The following LIMS1 variants were observed in gnomAD, a reference collection of about 807,000 sequenced individuals.
LIMS1 encodes LIM and senescent cell antigen-like-containing domain protein 1.
Under a neutral mutation model 44.1 loss-of-function variants are expected in LIMS1, and 18 were observed. The observed-to-expected ratio is 0.41, with a 90% CI of 0.28 to 0.61. The LOEUF (loss-of-function observed/expected upper bound fraction) is 0.61, where lower values mean the gene tolerates loss of function less well. Ranked by LOEUF, LIMS1 falls within the 20% of genes least tolerant of loss-of-function variation. The probability of loss-of-function intolerance (pLI) is 0.32; values close to 1 mark genes in which losing one functional copy is unlikely to be tolerated. For synonymous variants in LIMS1, 93 were observed against 149.1 expected, an observed-to-expected ratio of 0.62 and a Z score of 2.74; for missense variants, 201 against 422.0, an observed-to-expected ratio of 0.48 and a Z score of 4.59.
intron 1 of LIMS1, among the ~76,000 whole-genome samples, chr2:108,629,592 T>C (rs577842055): frequency 6.6e-6 from 1 of 152,350 alleles, no homozygotes; most frequent in African/African-American, 2.4e-5. Context: ...TGTTTGACAT[T>C]GCATCCTTTA....
intron 1 of LIMS1, among the ~76,000 whole-genome samples, chr2:108,564,925 A>C (rs1290968411): frequency 6.6e-6 from 1 of 151,934 alleles, no homozygotes; most frequent in Admixed American, 6.6e-5. Context: ...CTGTACCCCA[A>C]GGTTACAGGG....
intron 1 of LIMS1, among the ~76,000 whole-genome samples, chr2:108,551,672 A>G (rs1263981902): frequency 1.4e-5 from 2 of 146,230 alleles, no homozygotes; most frequent in Admixed American, 7.0e-5. Flanking sequence ...ATACACATAT[A>G]TACATATATA....
chr2:108,618,520 A>C (rs764059316), intron 1 of LIMS1, among the ~76,000 whole-genome samples: 1 of 151,070 alleles, frequency 6.6e-6, no homozygotes, highest in Non-Finnish European at 1.5e-5. Context: ...CTCTCTCTCT[A>C]TCTTCAGTGA....
At chr2:108,577,487 T>C (rs1685713357) in intron 1 of LIMS1, among the ~76,000 whole-genome samples, 1 of 152,218 alleles carries the variant, frequency 6.6e-6, no homozygotes, top group Non-Finnish European at 1.5e-5. Flanking sequence ...AGTGATATGG[T>C]AGTCATTGGG....
intron 1 of LIMS1, among the ~76,000 whole-genome samples, chr2:108,630,455 T>A (rs1260212938): frequency 1.3e-5 from 2 of 148,176 alleles, no homozygotes; most frequent in African/African-American, 5.3e-5. Context: ...CACGACTTGA[T>A]GACTGTTGGA....
At chr2:108,564,627 C>T (rs1036404065) in intron 1 of LIMS1, among the ~76,000 whole-genome samples, 1 of 152,216 alleles carries the variant, frequency 6.6e-6, no homozygotes, top group Non-Finnish European at 1.5e-5. Flanking sequence ...CAGTTGTACT[C>T]CCCAGTTGCT....
At chr2:108,540,175 G>A (rs937420275) in intron 1 of LIMS1, among the ~76,000 whole-genome samples, 18 of 148,210 alleles carry the variant, frequency 1.2e-4, no homozygotes, top group African/African-American at 3.7e-4. Flanking sequence ...CATTTAACAG[G>A]TGATAAAGTA....
At chr2:108,651,214 G>A (rs1289975595) in intron 1 of LIMS1, among the ~76,000 whole-genome samples, 1 of 152,154 alleles carries the variant, frequency 6.6e-6, no homozygotes, top group Non-Finnish European at 1.5e-5. Flanking sequence ...TTCAGTGTAA[G>A]TAGCTTGGGT....
intron 1 of LIMS1, among the ~76,000 whole-genome samples, chr2:108,657,360 G>C (rs1332169940): frequency 6.6e-6 from 1 of 152,290 alleles, no homozygotes; most frequent in Non-Finnish European, 1.5e-5. Context: ...CTTTTGAGAG[G>C]GTTTAGAATT....
chr2:108,584,286 C>G (rs188428464), intron 1 of LIMS1, among the ~76,000 whole-genome samples: 2 of 152,266 alleles, frequency 1.3e-5, no homozygotes, highest in Admixed American at 1.3e-4. Context: ...GTTCCCTGTT[C>G]CCACCATGCT....
At position 108,675,903 on chromosome 2, in the gene LIMS1, G is replaced by C. The variant is rs1692522237; in HGVS notation, c.556G>C (p.Glu186Gln). The change falls in exon 6 of 10, where the codon GAG (glutamate) becomes CAG (glutamine). Residue 186 changes from glutamate to glutamine, a missense_variant. Around this residue, in one of 7 missense-constraint regions of LIMS1, gnomAD observed 25 missense variants for 24.0 expected, o/e 1.04. Coordinates refer to ENST00000544547, the Ensembl canonical transcript of LIMS1. ...GAAGGAGCTGACTGCCGATGCACGGGAGCTGAAAGGGGAGCTATACTGCCT... is the reference window on the plus strand; with the variant it reads ...GAAGGAGCTGACTGCCGATGCACGGCAGCTGAAAGGGGAGCTATACTGCCT... The C allele has an allele frequency of 3.7e-6, 6 of 1,613,970 alleles. No homozygotes were observed. The East Asian group carries it at 1.3e-4, about 36-fold the overall frequency.
intron 1 of LIMS1, among the ~76,000 whole-genome samples, chr2:108,598,736 C>A (rs887304879): frequency 9.2e-5 from 14 of 152,266 alleles, no homozygotes; most frequent in Middle Eastern, 3.4e-3. Context: ...GTAAACGTAG[C>A]CCTGGTCTTT....
intron 1 of LIMS1, among the ~76,000 whole-genome samples, chr2:108,539,024 T>G (rs1281415682): frequency 2.0e-5 from 3 of 152,208 alleles, no homozygotes; most frequent in Admixed American, 2.0e-4. Flanking sequence ...GACTAGTGGT[T>G]ATTTGGGTTC....
At chr2:108,538,962 C>T (rs1316827573) in intron 1 of LIMS1, among the ~76,000 whole-genome samples, 2 of 152,178 alleles carry the variant, frequency 1.3e-5, no homozygotes, top group East Asian at 3.9e-4. Context: ...GTTTTAATGG[C>T]TGCATAGTAT....
At chr2:108,630,246 C>A (rs1688832999) in intron 1 of LIMS1, among the ~76,000 whole-genome samples, 1 of 151,234 alleles carries the variant, frequency 6.6e-6, no homozygotes, top group Non-Finnish European at 1.5e-5. Flanking sequence ...GACAGCCTGC[C>A]TCACTTAAAA....
chr2:108,597,858 A>AT (rs1255987968), intron 1 of LIMS1, among the ~76,000 whole-genome samples: 1 of 151,582 alleles, frequency 6.6e-6, no homozygotes, highest in Non-Finnish European at 1.5e-5. Flanking sequence ...ACACCCGGCT[A>AT]TTTTTTGTAT....
At chr2:108,598,492 T>C (rs2718729) in intron 1 of LIMS1, among the ~76,000 whole-genome samples, 94,817 of 151,838 alleles carry the variant, frequency 0.62, 30,217 homozygotes, top group East Asian at 0.97. Context: ...TTTGCAGATA[T>C]GAGGCCAGTG....
intron 1 of LIMS1, among the ~76,000 whole-genome samples, chr2:108,538,553 G>C (rs943947660): frequency 1.3e-5 from 2 of 152,064 alleles, no homozygotes; most frequent in African/African-American, 4.8e-5. Context: ...AGGAATCCAG[G>C]GCTTTCAGGA....
intron 1 of LIMS1, among the ~76,000 whole-genome samples, chr2:108,604,285 G>A (rs774394404): frequency 6.6e-6 from 1 of 152,174 alleles, no homozygotes; most frequent in Non-Finnish European, 1.5e-5. Flanking sequence ...TCAAATTTCA[G>A]TGTTCATAAC....
Sources: gnomAD v4.1 joint callset for allele counts (sites outside exome capture counted in the v4.1 genomes callset) on GRCh38, gnomAD v4.1.1 for gene constraint, gnomAD v4.1.1 regional missense constraint, MANE v1.5 for transcripts, NCBI Gene and HGNC (gene_info 2026-07-23, HGNC 2026-07-21) for gene names.